The following FBL variants were observed in gnomAD, a reference collection of about 807,000 sequenced individuals.
FBL encodes fibrillarin rRNA 2'-O-methyltransferase.
A neutral mutation model predicts 42.2 loss-of-function variants in FBL; 10 were observed. The ratio of observed to expected loss-of-function variants is 0.24; its 90% confidence interval spans 0.15 to 0.40. FBL has a LOEUF of 0.40. Among genes scored for constraint, FBL ranks in the 10% least tolerant of loss-of-function variants. The pLI, the probability that FBL is intolerant of heterozygous loss-of-function variation, is 1.00. For synonymous variants in FBL, 165 were observed against 165.4 expected (o/e 1.00, Z 0.02); for missense variants, 351 against 439.2 (o/e 0.80, Z 1.79).
chr19:39,838,672 T>G (rs564084081), intron 5 of FBL: 1 of 184,348 alleles, frequency 5.4e-6, no homozygotes, highest in South Asian at 1.5e-4. Flanking sequence ...GGGAAGCCTA[T>G]ACAGGCTCAG....
rs1458524883 is a variant in FBL, at chr19:39,845,568, G to A, written c.10+723C>T. Reference sequence around the variant, plus strand: ...AAGGGAGTGGTTTCAGCAGAATCTAGTGGAAAATCTTAAGAATAAAACTAC... The same window carrying A: ...AAGGGAGTGGTTTCAGCAGAATCTAATGGAAAATCTTAAGAATAAAACTAC... On this transcript the variant is annotated intron_variant, in intron 1 of 8. Coordinates refer to ENST00000221801, the MANE Select transcript of FBL (RefSeq NM_001436.4). Among the ~76,000 whole-genome samples the A allele has an allele frequency of 2.6e-5, 4 of 152,238 alleles. No individual in the cohort carries two copies. The East Asian group carries it at 7.7e-4, about 29-fold the overall frequency.
At chr19:39,838,392 G>A (rs1263856580) in intron 5 of FBL, 2 of 153,144 alleles carry the variant, frequency 1.3e-5, no homozygotes, top group Admixed American at 1.3e-4. Context: ...TCCCAAGTAG[G>A]TGGGACTACA....
At chr19:39,837,895 G>A (rs1468365038) in intron 5 of FBL, 52 bp from the exon 6 acceptor site, 1 of 1,549,684 alleles carries the variant, frequency 6.5e-7, no homozygotes. Flanking sequence ...CATGCATGGA[G>A]TGCCTACTTT....
Position 39,839,204 on chromosome 19 carries a change from T to G in FBL, c.380A>C (p.Glu127Ala). 6.2e-7 allele frequency: 1 copy of G among 1,608,704 alleles called. No individual in the cohort carries two copies. Among genetic ancestry groups the G allele is most frequent in the East Asian group, 2.2e-5 (1 of 44,864 alleles). Residue 127 changes from glutamate (E) to alanine (A), a missense_variant and splice_region_variant, in exon 5 of 9, where the codon GAA (glutamate) becomes GCA (alanine). Glu to Ala is a moderately radical substitution (Grantham distance 107). Coordinates refer to ENST00000221801, the MANE Select transcript of FBL (RefSeq NM_001436.4). The stretch of plus-strand genomic sequence containing the variant: ...TCGGTACTCAATTTTGTCATCTCCT[T>G]CCTAGATGAGAGATGGGGACAGAAG... The part of the protein sequence containing the change: ...VYGEKRVSIS[E>A]GDDKIEYRAW...
rs1192094005 is a variant in FBL, at chr19:39,846,373, G to A, written c.-73C>T. On this transcript the variant is annotated 5_prime_UTR_variant, in exon 1 of 9. Coordinates refer to ENST00000221801, the MANE Select transcript of FBL (RefSeq NM_001436.4). ...CCACGAGTCCGGGGCTTTCGCACGTGGAAAAGAGCGCAGGCGCGCGGCGAC... is the reference window on the plus strand; with the variant it reads ...CCACGAGTCCGGGGCTTTCGCACGTAGAAAAGAGCGCAGGCGCGCGGCGAC... The A allele has an allele frequency of 5.7e-6, 9 of 1,588,090 alleles. No homozygotes were observed. The highest frequency in any genetic ancestry group is 5.1e-5 in the Admixed American group (3 of 58,978).
chr19:39,839,243 C>CT, intron 4 of FBL, 38 bp from the exon 5 acceptor site: 1 of 1,546,532 alleles, frequency 6.5e-7, no homozygotes. Context: ...GTGCTAGGCT[C>CT]TTCTGCAGGA....
intron 4 of FBL, 72 bp from the exon 5 acceptor site, chr19:39,839,277 G>A (rs1290487437): frequency 1.5e-6 from 2 of 1,295,198 alleles, no homozygotes; most frequent in East Asian, 2.3e-5. Context: ...AACCCTAGGA[G>A]CCTTGAAAGG....
Position 39,836,628 on chromosome 19 carries a change from G to A in FBL, c.723C>T (p.Asp241=), listed in dbSNP as rs1969054921. 4 of 1,614,034 alleles carry A rather than the reference G, an allele frequency of 2.5e-6. No homozygotes were observed. Among genetic ancestry groups the A allele is most frequent in the Non-Finnish European group, 3.4e-6 (4 of 1,179,990 alleles). The change falls in exon 7 of 9, where the codon GAC becomes GAT. Residue 241 remains aspartate, a synonymous_variant. Transcript: ENST00000221801. ...DVIFADVAQP[D]QTRIVALNAH... ...CATTCAGGGCCACAATCCGGGTCTGGTCTGGCTGGGCCACATCAGCAAAGA... is the reference window on the plus strand; with the variant it reads ...CATTCAGGGCCACAATCCGGGTCTGATCTGGCTGGGCCACATCAGCAAAGA...
chr19:39,834,919 T>G, intron 7 of FBL, 106 bp from the exon 8 acceptor site: 1 of 1,225,890 alleles, frequency 8.2e-7, no homozygotes, highest in Non-Finnish European at 1.2e-6. Context: ...TAAAACTCAG[T>G]GCTATGGTTC....
chr19:39,834,483 A>G lies in FBL; in HGVS notation c.*55T>C. On this transcript the variant is annotated 3_prime_UTR_variant, in exon 9 of 9. Transcript: ENST00000221801. Reference sequence around the variant, plus strand: ...GACGGATGAGTCTTTTAATAGAAAAACACACGTGCAACAGTATCAACACAC... The same window carrying G: ...GACGGATGAGTCTTTTAATAGAAAAGCACACGTGCAACAGTATCAACACAC... 3 of 1,602,314 alleles carry G rather than the reference A, an allele frequency of 1.9e-6. No homozygotes were observed. Among genetic ancestry groups the G allele is most frequent in the Non-Finnish European group, 2.6e-6 (3 of 1,171,522 alleles).
rs573278750 is a variant in FBL, at chr19:39,842,783, CT to C, written c.11-1997del. 3.2e-4 allele frequency among the ~76,000 whole-genome samples: 49 copies of C among 152,290 alleles called. 1 individual carries two copies. In the South Asian group the frequency reaches 8.7e-3, roughly 27 times the overall value. The stretch of plus-strand genomic sequence containing the variant: ...GATTTCATTGTTCTGGGCGCAAGGT[CT>C]TCCCCTAAAGCTCTCCAGGTGACTC... On this transcript the variant is annotated intron_variant, in intron 1 of 8. Coordinates refer to ENST00000221801, the MANE Select transcript of FBL (RefSeq NM_001436.4).
At chr19:39,836,500 G>A (rs1969050861) in intron 7 of FBL, 56 bp downstream of exon 7, 9 of 1,172,434 alleles carry the variant, frequency 7.7e-6, no homozygotes, top group Non-Finnish European at 1.1e-5. Context: ...TACAGATAGA[G>A]AAGATACCTC....
chr19:39,845,460 G>A (rs1260468685), intron 1 of FBL, among the ~76,000 whole-genome samples: 1 of 152,198 alleles, frequency 6.6e-6, no homozygotes, highest in African/African-American at 2.4e-5. Flanking sequence ...CACACAGCAG[G>A]CTAAGAAGCT....
intron 1 of FBL, among the ~76,000 whole-genome samples, chr19:39,843,360 C>G (rs532211963): frequency 6.6e-6 from 1 of 152,160 alleles, no homozygotes; most frequent in Non-Finnish European, 1.5e-5. Flanking sequence ...AGGGAAGTGC[C>G]GGTCACTCCC....
chr19:39,836,359 A>G (rs531214637), intron 7 of FBL, among the ~76,000 whole-genome samples, 197 bp downstream of exon 7: 17 of 152,320 alleles, frequency 1.1e-4, no homozygotes, highest in Non-Finnish European at 2.1e-4. Context: ...TCAGTCACAC[A>G]GCAGGCTGGG....
At chr19:39,845,901 T>C (rs923254972) in intron 1 of FBL, among the ~76,000 whole-genome samples, 12 of 152,070 alleles carry the variant, frequency 7.9e-5, no homozygotes, top group Admixed American at 7.2e-4. Context: ...GGTCAGGAAC[T>C]CTCCATCTCC....
intron 5 of FBL, chr19:39,838,818 C>G: frequency 1.9e-6 from 1 of 529,584 alleles, no homozygotes; most frequent in South Asian, 2.9e-5. Flanking sequence ...GTTGGTCACC[C>G]CACACCCACG....
In FBL at chr19:39,835,434, G is replaced by T. The variant is rs548997778; in HGVS notation, c.796-621C>A. Among the ~76,000 whole-genome samples the T allele has an allele frequency of 4.6e-5, 7 of 152,172 alleles. No individual in the cohort carries two copies. The South Asian group carries it at 8.3e-4, about 18-fold the overall frequency. On this transcript the variant is annotated intron_variant, in intron 7 of 8. Coordinates refer to ENST00000221801, the MANE Select transcript of FBL (RefSeq NM_001436.4). ...CTCGGGAAGCTGACGCAGGAGAATC[G>T]CTTGAACCCAGGAACTGGAGGTTGC...
chr19:39,835,635 A>G (rs1969029528), intron 7 of FBL, among the ~76,000 whole-genome samples: 1 of 152,186 alleles, frequency 6.6e-6, no homozygotes, highest in Admixed American at 6.5e-5. Flanking sequence ...AGGCTTAATG[A>G]AAGTTTTTGG....
Sources: allele counts gnomAD v4.1 joint callset (sites outside exome capture counted in the v4.1 genomes callset), GRCh38; gene constraint gnomAD v4.1.1; transcripts MANE v1.5; gene names NCBI Gene and HGNC (gene_info 2026-07-23, HGNC 2026-07-21).